KIF26B: variants seen among roughly 807,000 people sequenced by gnomAD.
KIF26B encodes the protein kinesin family member 26B.
Under a neutral mutation model 151.2 loss-of-function variants are expected in KIF26B, and 63 were observed. The observed-to-expected ratio is 0.42, with a 90% CI of 0.34 to 0.51. The LOEUF is 0.51. Ranked by LOEUF, KIF26B falls within the 20% of genes least tolerant of loss-of-function variation. The pLI is 0.07. For synonymous variants in KIF26B, 1,357 were observed against 1,262.1 expected, an observed-to-expected ratio of 1.08 and a Z score of -1.59; for missense variants, 2,813 against 2,913.6, an observed-to-expected ratio of 0.97 and a Z score of 0.79.
Position 245,686,511 on chromosome 1 carries a change from G to A in KIF26B, c.3528G>A (p.Val1176=), listed in dbSNP as rs774065957. Residue 1176 remains valine (V), a synonymous_variant, in exon 12 of 15, where the codon GTG becomes GTA. Transcript: ENST00000407071. The surrounding 1 kb of genome is among the most constrained non-coding windows in gnomAD (Gnocchi z 5.6). The part of the protein sequence containing the change: ...KEILSTTMVT[V]QQPLELNGED... ...TCCTGAGCACCACGATGGTGACGGT[G>A]CAGCAGCCACTGGAGCTGAACGGTG... 5 of 1,612,504 alleles carry A rather than the reference G, an allele frequency of 3.1e-6. No homozygotes were observed. In the South Asian group the frequency reaches 5.5e-5, roughly 18 times the overall value.
intron 4 of KIF26B, among the ~76,000 whole-genome samples, chr1:245,443,080 C>A (rs1320423774): frequency 1.5e-5 from 2 of 135,394 alleles, no homozygotes; most frequent in Non-Finnish European, 3.2e-5. Flanking sequence ...TCACCTAGAG[C>A]GGTCATCTCC....
intron 3 of KIF26B, among the ~76,000 whole-genome samples, chr1:245,387,711 TA>T (rs1018847848): frequency 2.0e-5 from 3 of 151,922 alleles, no homozygotes; most frequent in East Asian, 1.9e-4. Flanking sequence ...CGCAACAAAC[TA>T]AAAAAAATCC....
At chr1:245,483,547 G>A (rs911243031) in intron 4 of KIF26B, among the ~76,000 whole-genome samples, 1 of 151,870 alleles carries the variant, frequency 6.6e-6, no homozygotes, top group African/African-American at 2.4e-5. Flanking sequence ...AATGAAGTTT[G>A]CGTTGTTAAC....
At chr1:245,396,122 A>G (rs961803949) in intron 3 of KIF26B, among the ~76,000 whole-genome samples, 1 of 152,110 alleles carries the variant, frequency 6.6e-6, no homozygotes, top group Non-Finnish European at 1.5e-5. Flanking sequence ...ATAACAGAAT[A>G]CTGACTTTTT....
At chr1:245,633,752 G>A (rs1771539) in intron 9 of KIF26B, among the ~76,000 whole-genome samples, 116,199 of 152,068 alleles carry the variant, frequency 0.76, 44,576 homozygotes, top group East Asian at 0.89. Flanking sequence ...AATATTTTAT[G>A]GTTTTTATGT....
chr1:245,423,765 G>A (rs1162565001), intron 4 of KIF26B, among the ~76,000 whole-genome samples: 1 of 152,080 alleles, frequency 6.6e-6, no homozygotes, highest in African/African-American at 2.4e-5. Context: ...TCTCCATATA[G>A]CGTCGCTCTC....
chr1:245,509,339 AG>A (rs1390553407), intron 4 of KIF26B, among the ~76,000 whole-genome samples: 7 of 152,202 alleles, frequency 4.6e-5, no homozygotes, highest in African/African-American at 1.4e-4. Flanking sequence ...ACTTTTGAAA[AG>A]TTTCCAAGAG....
chr1:245,380,955 G>GAAAAAA (rs35477111), intron 3 of KIF26B, among the ~76,000 whole-genome samples: 1 of 77,930 alleles, frequency 1.3e-5, no homozygotes. Context: ...CCAAAAAGAT[G>GAAAAAA]AAAAAAAAAA....
rs1360396485 is a variant in KIF26B at position 245,617,089 on chromosome 1, TTTG to T, written c.2098+5116_2098+5118del. Among the ~76,000 whole-genome samples, 415 of 90,586 alleles carry T rather than the reference TTTG, an allele frequency of 4.6e-3. 3 individuals carry two copies. Among genetic ancestry groups the T allele is most frequent in the African/African-American group, 0.012 (380 of 32,222 alleles). 59.4% of individuals were successfully genotyped at this position (90,586 alleles called of 152,430 possible). A position where few individuals can be genotyped will look rare whatever the true frequency, so the allele number is the denominator to read the frequency against. ...TCAGACTCTTTAATCTGTTTTTTTG[TTTG>T]TTTGTTTGTTTGTTTGTTTTTAACA... On this transcript the variant is annotated intron_variant, in intron 9 of 14. Transcript: ENST00000407071.
Position 245,609,436 on chromosome 1 carries a change from C to G in KIF26B, c.1822C>G (p.Arg608Gly). Residue 608 changes from arginine to glycine, a missense_variant, in exon 8 of 15, where the codon CGG (arginine) becomes GGG (glycine). Arg to Gly is a moderately radical substitution (Grantham distance 125). Transcript: ENST00000407071. ...VEVWGKEENL[R>G]DLLSEVATGS... The stretch of plus-strand genomic sequence containing the variant: ...AGTGTGGGGGAAGGAGGAGAACCTG[C>G]GGGACCTGCTGTCGGAGGTGGCCAC... The G allele has an allele frequency of 6.2e-7, 1 of 1,606,920 alleles. No individual in the cohort carries two copies. Among genetic ancestry groups the G allele is most frequent in the Non-Finnish European group, 8.5e-7 (1 of 1,176,800 alleles).
chr1:245,174,952 G>T (rs1018439222), intron 2 of KIF26B, among the ~76,000 whole-genome samples: 1 of 152,164 alleles, frequency 6.6e-6, no homozygotes, highest in Non-Finnish European at 1.5e-5. Context: ...CACAGATGAA[G>T]TACCACAGTC....
chr1:245,223,494 C>T (rs548061549), intron 2 of KIF26B, among the ~76,000 whole-genome samples: 6 of 152,306 alleles, frequency 3.9e-5, no homozygotes, highest in East Asian at 3.9e-4. Flanking sequence ...CCCCTTAACT[C>T]GTCTCCAGTC....
chr1:245,301,247 G>A (rs1447422516), intron 2 of KIF26B, among the ~76,000 whole-genome samples: 1 of 152,206 alleles, frequency 6.6e-6, no homozygotes, highest in Non-Finnish European at 1.5e-5. Context: ...AGTGGAGGCC[G>A]AGGCTCCCTG....
intron 9 of KIF26B, among the ~76,000 whole-genome samples, chr1:245,619,121 T>C (rs1185128861): frequency 2.2e-5 from 3 of 133,950 alleles, no homozygotes; most frequent in Admixed American, 7.9e-5. Flanking sequence ...GGGCTGTGTC[T>C]GCTGCGTGCT....
At chr1:245,657,074 G>A (rs1163677995) in intron 10 of KIF26B, among the ~76,000 whole-genome samples, 1 of 152,180 alleles carries the variant, frequency 6.6e-6, no homozygotes. Flanking sequence ...AATGACCACA[G>A]TTGCTGTTTC....
At chr1:245,571,037 A>C (rs1168022661) in intron 5 of KIF26B, among the ~76,000 whole-genome samples, 1 of 152,236 alleles carries the variant, frequency 6.6e-6, no homozygotes, top group Middle Eastern at 3.2e-3. Context: ...TGTGTTCATC[A>C]TGGGAAATAA....
At chr1:245,268,088 C>T (rs531997440) in intron 2 of KIF26B, among the ~76,000 whole-genome samples, 82 of 152,228 alleles carry the variant, frequency 5.4e-4, no homozygotes, top group Non-Finnish European at 9.1e-4. Context: ...GGAAGGATCA[C>T]GTGAACCCAG....
chr1:245,610,103 G>C (rs995399822), intron 8 of KIF26B, among the ~76,000 whole-genome samples: 11 of 152,196 alleles, frequency 7.2e-5, no homozygotes, highest in Non-Finnish European at 1.6e-4. Flanking sequence ...AATGACCCGG[G>C]AGCTGCAATT....
chr1:245,679,214 G>T (rs913626196), intron 10 of KIF26B, among the ~76,000 whole-genome samples: 2 of 152,134 alleles, frequency 1.3e-5, no homozygotes, highest in South Asian at 4.1e-4. Flanking sequence ...AATAGATGTG[G>T]CTGTGTTTTA....
Sources: gnomAD v4.1 joint callset for allele counts (sites outside exome capture counted in the v4.1 genomes callset) on GRCh38, gnomAD v4.1.1 for gene constraint, Gnocchi (gnomAD v3.1) non-coding constraint, MANE v1.5 for transcripts, NCBI Gene and HGNC (gene_info 2026-07-23, HGNC 2026-07-21) for gene names.